Variants in TENM4 observed in about 807,000 individuals in gnomAD.
TENM4 encodes teneurin transmembrane protein 4.
A neutral mutation model predicts 243.3 loss-of-function variants in TENM4; 82 were observed. The observed-to-expected ratio is 0.34, with a 90% confidence interval of 0.28 to 0.40. TENM4 has a LOEUF of 0.40. Among genes scored for constraint, TENM4 ranks in the 10% least tolerant of loss-of-function variants. The pLI is 1.00. For missense variants in TENM4, 3,138 were observed against 3,673.3 expected (o/e 0.85, Z 3.77); for synonymous variants, 1,412 against 1,456.3 (o/e 0.97, Z 0.69).
At chr11:79,192,148 G>T (rs565366184) in intron 3 of TENM4, among the ~76,000 whole-genome samples, 1 of 150,902 alleles carries the variant, frequency 6.6e-6, no homozygotes, top group African/African-American at 2.4e-5. Context: ...GAGGTGGGGG[G>T]GTCAGCCCCC....
chr11:79,034,677 G>A (rs1468182286), intron 6 of TENM4, among the ~76,000 whole-genome samples: 1 of 152,056 alleles, frequency 6.6e-6, no homozygotes, highest in Non-Finnish European at 1.5e-5. Flanking sequence ...GCTAACGGGT[G>A]CTCCATAGAA....
intron 4 of TENM4, among the ~76,000 whole-genome samples, chr11:79,086,085 T>A (rs1245872447): frequency 6.6e-6 from 1 of 152,226 alleles, no homozygotes; most frequent in Non-Finnish European, 1.5e-5. Flanking sequence ...CCTCCCTGTT[T>A]CCAAACTCTT....
chr11:78,836,211 G>A (rs183446984), intron 12 of TENM4, among the ~76,000 whole-genome samples: 6 of 152,190 alleles, frequency 3.9e-5, no homozygotes, highest in Non-Finnish European at 7.4e-5. Context: ...TTAGCTGGGC[G>A]TGGTGGCGCA....
intron 11 of TENM4, among the ~76,000 whole-genome samples, chr11:78,854,918 T>A (rs539810587): frequency 3.7e-4 from 56 of 152,354 alleles, no homozygotes; most frequent in African/African-American, 1.3e-3. Flanking sequence ...AATAATTACA[T>A]GCTGTGTCAA....
chr11:79,071,174 G>A (rs1860405473), intron 4 of TENM4, among the ~76,000 whole-genome samples: 2 of 152,182 alleles, frequency 1.3e-5, no homozygotes, highest in African/African-American at 4.8e-5. Flanking sequence ...CAACCATACA[G>A]GGCCAGGAGC....
chr11:79,424,706 G>A (rs565504441), intron 1 of TENM4, among the ~76,000 whole-genome samples: 5 of 152,070 alleles, frequency 3.3e-5, no homozygotes, highest in East Asian at 1.9e-4. Context: ...AGGCCGAGGC[G>A]GGCGGATCAT....
At chr11:79,206,208 A>T (rs912726228) in intron 3 of TENM4, among the ~76,000 whole-genome samples, 1 of 152,192 alleles carries the variant, frequency 6.6e-6, no homozygotes, top group African/African-American at 2.4e-5. Flanking sequence ...GGACATCTAG[A>T]AATGCCCCTA....
Position 78,696,521 on chromosome 11 carries a change from T to G in TENM4, c.5087+5005A>C, listed in dbSNP as rs556986328. 3.9e-5 allele frequency among the ~76,000 whole-genome samples: 6 copies of G among 152,332 alleles called. 1 individual carries two copies. The South Asian group carries it at 1.2e-3, about 32-fold the overall frequency. ...TTTATGCCTGGAAATGGGTGTGAGTTTCCTTGTGCTAGGACTTTTGTGAGG... is the reference window on the plus strand; with the variant it reads ...TTTATGCCTGGAAATGGGTGTGAGTGTCCTTGTGCTAGGACTTTTGTGAGG... On this transcript the variant is annotated intron_variant, in intron 28 of 33. Transcript: ENST00000278550.
At chr11:78,999,909 C>G (rs1189493716) in intron 6 of TENM4, among the ~76,000 whole-genome samples, 1 of 151,792 alleles carries the variant, frequency 6.6e-6, no homozygotes, top group Non-Finnish European at 1.5e-5. Flanking sequence ...ATCTATATAT[C>G]CAAGAAGCAA....
At position 79,279,074 on chromosome 11, in the gene TENM4, T is replaced by A. The variant is rs144607886; in HGVS notation, c.-265+18414A>T. 1.6e-3 allele frequency among the ~76,000 whole-genome samples: 242 copies of A among 152,180 alleles called. 1 individual carries two copies. Among genetic ancestry groups the A allele is most frequent in the African/African-American group, 5.6e-3 (233 of 41,502 alleles). ...TTTAGATGCCTGCAGAGTCCTCACA[T>A]CCCAGACAAACAGGCACACACTGGG... On this transcript the variant is annotated intron_variant, in intron 2 of 33. Transcript: ENST00000278550.
At chr11:78,981,965 G>A (rs1857806628) in intron 6 of TENM4, among the ~76,000 whole-genome samples, 1 of 152,064 alleles carries the variant, frequency 6.6e-6, no homozygotes. Context: ...TGCATGCCCC[G>A]TGTCTGTCCC....
chr11:78,961,817 GTC>G (rs1312629027), intron 6 of TENM4, among the ~76,000 whole-genome samples: 1 of 146,562 alleles, frequency 6.8e-6, no homozygotes, highest in East Asian at 2.0e-4. Context: ...GTCAATCTTT[GTC>G]TCTACCTTTA....
chr11:78,979,613 C>T (rs563727590), intron 6 of TENM4, among the ~76,000 whole-genome samples: 2 of 152,140 alleles, frequency 1.3e-5, no homozygotes, highest in East Asian at 3.9e-4. Context: ...TTAGAGTGTC[C>T]CAGGCAGAGA....
chr11:78,823,602 G>A (rs1298500682), intron 12 of TENM4, among the ~76,000 whole-genome samples: 1 of 152,176 alleles, frequency 6.6e-6, no homozygotes, highest in Non-Finnish European at 1.5e-5. Context: ...TGGAGCTGAA[G>A]CCTGGAAAGA....
intron 7 of TENM4, among the ~76,000 whole-genome samples, chr11:78,901,512 C>T (rs934314558): frequency 1.3e-5 from 2 of 152,104 alleles, no homozygotes; most frequent in Non-Finnish European, 2.9e-5. Context: ...CCTTGCTGCT[C>T]ATCCTCTATC....
chr11:79,055,127 CAA>C (rs34101530), intron 6 of TENM4, among the ~76,000 whole-genome samples: 5 of 134,630 alleles, frequency 3.7e-5, no homozygotes, highest in African/African-American at 8.8e-5. Flanking sequence ...AACTCCATCT[CAA>C]AAAAAAAAAA....
chr11:78,796,886 T>G (rs1266914856), intron 15 of TENM4, among the ~76,000 whole-genome samples: 1 of 152,214 alleles, frequency 6.6e-6, no homozygotes, highest in Non-Finnish European at 1.5e-5. Flanking sequence ...CCTACTCATA[T>G]CCAACCTCCA....
Position 78,704,159 on chromosome 11 carries a change from CTATATATATATATATATA to C in TENM4, c.4210-1774_4210-1757del, listed in dbSNP as rs56026926. ...TATGTCTATGTGTATGTATGTGTGT[CTATATATATATATATATA>C]TATATATATATATATATTTGTAGAG... On this transcript the variant is annotated intron_variant, in intron 27 of 33. Coordinates refer to ENST00000278550, the MANE Select transcript of TENM4 (RefSeq NM_001098816.3). Among the ~76,000 whole-genome samples the C allele has an allele frequency of 6.9e-4, 73 of 106,020 alleles. 2 individuals are homozygous for C. Among genetic ancestry groups the C allele is most frequent in the African/African-American group, 2.5e-3 (67 of 27,014 alleles). The allele number at this position is 106,020 out of a possible 152,430, so 69.6% of individuals were successfully genotyped here.
At chr11:79,367,271 T>A (rs1857694427) in intron 1 of TENM4, among the ~76,000 whole-genome samples, 3 of 152,342 alleles carry the variant, frequency 2.0e-5, no homozygotes, top group South Asian at 4.1e-4. Flanking sequence ...GGTTTTCTCT[T>A]TCTTACCTTC....
Sources: allele counts gnomAD v4.1 joint callset (sites outside exome capture counted in the v4.1 genomes callset), GRCh38; gene constraint gnomAD v4.1.1; transcripts MANE v1.5; gene names NCBI Gene and HGNC (gene_info 2026-07-23, HGNC 2026-07-21).